The following FAM107B variants were observed in gnomAD, a reference collection of about 807,000 sequenced individuals.
FAM107B encodes family with sequence similarity 107 member B, also known as protein FAM107B.
In FAM107B, 21 loss-of-function variants were observed where a neutral mutation model predicts 31.5. The ratio of observed to expected loss-of-function variants is 0.67; its 90% CI spans 0.47 to 0.96. FAM107B has a LOEUF of 0.96. Ranked by LOEUF, FAM107B falls within the 40% of genes least tolerant of loss-of-function variation. FAM107B has a pLI of 0.00. For missense variants in FAM107B, 452 were observed against 377.1 expected, an observed-to-expected ratio of 1.20 and a Z score of -1.64; for synonymous variants, 157 against 141.5, an observed-to-expected ratio of 1.11 and a Z score of -0.78.
At chr10:14,570,233 G>GGTGGGGGTGTGTGTGT (rs768204428) in intron 2 of FAM107B, among the ~76,000 whole-genome samples, 2 of 140,340 alleles carry the variant, frequency 1.4e-5, no homozygotes, top group Non-Finnish European at 3.1e-5. Flanking sequence ...AAATGTGGTG[G>GGTGGGGGTGTGTGTGT]GTGTGTGTGT....
intron 1 of FAM107B, among the ~76,000 whole-genome samples, chr10:14,770,667 T>C (rs141192928): frequency 1.3e-4 from 20 of 152,348 alleles, no homozygotes; most frequent in African/African-American, 4.8e-4. Flanking sequence ...CTAACAATTA[T>C]AAGACACATT....
At chr10:14,753,347 G>A (rs1394347280) in intron 1 of FAM107B, among the ~76,000 whole-genome samples, 1 of 152,212 alleles carries the variant, frequency 6.6e-6, no homozygotes, top group Non-Finnish European at 1.5e-5. Context: ...GTGACAAGGA[G>A]TGATGGATGG....
At chr10:14,574,588 C>A (rs1457723963) in intron 2 of FAM107B, among the ~76,000 whole-genome samples, 1 of 152,160 alleles carries the variant, frequency 6.6e-6, no homozygotes, top group Non-Finnish European at 1.5e-5. Context: ...TGTTTTTATC[C>A]AATGGACCAC....
chr10:14,595,315 G>A (rs1272474974), intron 2 of FAM107B, among the ~76,000 whole-genome samples: 1 of 151,806 alleles, frequency 6.6e-6, no homozygotes, highest in South Asian at 2.1e-4. Context: ...CGCAATGAGA[G>A]TAAATGCAGA....
chr10:14,592,294 G>A (rs1852045870), intron 2 of FAM107B, among the ~76,000 whole-genome samples: 1 of 152,156 alleles, frequency 6.6e-6, no homozygotes, highest in South Asian at 2.1e-4. Flanking sequence ...GCAGTTCCTG[G>A]GGCTACTAGT....
chr10:14,660,761 C>T (rs1168216826), intron 2 of FAM107B, among the ~76,000 whole-genome samples: 2 of 152,178 alleles, frequency 1.3e-5, no homozygotes, highest in Non-Finnish European at 2.9e-5. Flanking sequence ...AATGAAGCCT[C>T]ATTCTAGAAC....
chr10:14,612,594 C>T (rs1216131528), intron 2 of FAM107B: 1 of 152,232 alleles, frequency 6.6e-6, no homozygotes, highest in East Asian at 1.9e-4. Context: ...TTTCTCAGCT[C>T]ATTTCTCTCT....
chr10:14,691,467 T>C (rs970732264), intron 1 of FAM107B, among the ~76,000 whole-genome samples: 3 of 152,204 alleles, frequency 2.0e-5, no homozygotes, highest in African/African-American at 7.2e-5. Context: ...GAAACTTCCG[T>C]AATCACAAAG....
At chr10:14,572,132 A>G (rs1013618769) in intron 2 of FAM107B, 31 of 985,304 alleles carry the variant, frequency 3.1e-5, no homozygotes, top group Non-Finnish European at 3.7e-5. Context: ...AACTTCTGAA[A>G]GCAGGAACTG....
chr10:14,724,069 C>G (rs1855974728), intron 1 of FAM107B: 1 of 689,706 alleles, frequency 1.4e-6, no homozygotes, highest in South Asian at 1.6e-5. Context: ...GAAAGTTTCC[C>G]TTTAAGTTAT....
chr10:14,708,080 C>T (rs563276779), intron 1 of FAM107B, among the ~76,000 whole-genome samples: 1 of 151,736 alleles, frequency 6.6e-6, no homozygotes, highest in East Asian at 1.9e-4. Context: ...CTTAGGAGGA[C>T]TGTCTTTTTT....
chr10:14,650,557 A>AT lies in FAM107B; in HGVS notation c.469+17076dup, dbSNP rs1853872897. On this transcript the variant is annotated intron_variant, in intron 2 of 4. Coordinates refer to ENST00000181796, the MANE Select transcript of FAM107B (RefSeq NM_031453.4). ...CACCCTGGCCTCCCAAAGTGCTGGG[A>AT]TTACAGGCATGAGCCACCGCGCCCG... Among the ~76,000 whole-genome samples, 16 of 152,326 alleles carry AT rather than the reference A, an allele frequency of 1.1e-4. 1 individual carries two copies. The South Asian group carries it at 3.3e-3, about 32-fold the overall frequency.
chr10:14,563,856 C>G (rs1213467955), intron 2 of FAM107B, among the ~76,000 whole-genome samples: 1 of 152,110 alleles, frequency 6.6e-6, no homozygotes, highest in Non-Finnish European at 1.5e-5. Context: ...GAAACAGATT[C>G]ACAAAAATGG....
chr10:14,721,981 C>T (rs560161966), intron 1 of FAM107B, among the ~76,000 whole-genome samples: 1 of 152,270 alleles, frequency 6.6e-6, no homozygotes, highest in Non-Finnish European at 1.5e-5. Context: ...GGTTTTAGGT[C>T]TGACATTTAA....
intron 2 of FAM107B, among the ~76,000 whole-genome samples, chr10:14,629,445 ATTAT>A (rs1341021707): frequency 0.012 from 211 of 17,056 alleles, 7 homozygotes; most frequent in Middle Eastern, 0.14. Flanking sequence ...TTATATATAT[ATTAT>A]ATATATATTA....
chr10:14,737,475 G>A (rs576606801), intron 1 of FAM107B, among the ~76,000 whole-genome samples: 11 of 152,106 alleles, frequency 7.2e-5, no homozygotes, highest in East Asian at 1.9e-4. Flanking sequence ...TGAGCCGGGC[G>A]TGGTGACAGG....
intron 2 of FAM107B, among the ~76,000 whole-genome samples, chr10:14,537,833 C>CAAAAAA (rs34298402): frequency 7.0e-5 from 6 of 85,632 alleles, no homozygotes. Context: ...GACTCTGTCT[C>CAAAAAA]AAAAAAAAAA....
intron 2 of FAM107B, among the ~76,000 whole-genome samples, chr10:14,572,738 T>TA (rs1851312748): frequency 8.3e-6 from 1 of 120,214 alleles, no homozygotes; most frequent in African/African-American, 3.3e-5. Context: ...AAAAAAAAAA[T>TA]TTATATATAT....
intron 2 of FAM107B, among the ~76,000 whole-genome samples, chr10:14,629,533 G>C (rs1427724152): frequency 1.6e-5 from 2 of 121,854 alleles, no homozygotes; most frequent in Non-Finnish European, 3.2e-5. Flanking sequence ...TTTTTTTTGA[G>C]ATGAAGACTC....
Sources: gnomAD v4.1 joint callset for allele counts (sites outside exome capture counted in the v4.1 genomes callset) on GRCh38, gnomAD v4.1.1 for gene constraint, MANE v1.5 for transcripts, NCBI Gene and HGNC (gene_info 2026-07-23, HGNC 2026-07-21) for gene names.